CAMTA1: variants seen among roughly 807,000 people sequenced by gnomAD.
CAMTA1 encodes calmodulin binding transcription activator 1, also known as calmodulin-binding transcription activator 1.
Under a neutral mutation model 170.9 loss-of-function variants are expected in CAMTA1, and 27 were observed. The ratio of observed to expected loss-of-function variants is 0.16; its 90% CI spans 0.12 to 0.22. The LOEUF is 0.22. Ranked by LOEUF, CAMTA1 falls within the 10% of genes least tolerant of loss-of-function variation. The probability of loss-of-function intolerance (pLI) is 1.00; values close to 1 mark genes in which losing one functional copy is unlikely to be tolerated. For synonymous variants in CAMTA1, 833 were observed against 891.5 expected (o/e 0.93, Z 1.17); for missense variants, 1,619 against 2,217.2 (o/e 0.73, Z 5.42).
intron 4 of CAMTA1, among the ~76,000 whole-genome samples, chr1:7,181,346 A>G (rs1444168983): frequency 3.3e-5 from 5 of 152,224 alleles, no homozygotes; most frequent in Non-Finnish European, 5.9e-5. Flanking sequence ...AAGGATATTC[A>G]TTATCTCTGC....
chr1:7,563,765 A>G (rs1287776238), intron 6 of CAMTA1, among the ~76,000 whole-genome samples: 1 of 152,270 alleles, frequency 6.6e-6, no homozygotes, highest in African/African-American at 2.4e-5. Flanking sequence ...GTTGAATGCT[A>G]TATGGCTCTG....
intron 5 of CAMTA1, among the ~76,000 whole-genome samples, chr1:7,297,129 G>T (rs546693703): frequency 1.6e-4 from 24 of 152,182 alleles, no homozygotes; most frequent in Non-Finnish European, 1.0e-4. Flanking sequence ...AGAGTAAAAA[G>T]CTCTTTGAGT....
chr1:7,019,598 C>T (rs1701064775), intron 3 of CAMTA1, among the ~76,000 whole-genome samples: 1 of 152,178 alleles, frequency 6.6e-6, no homozygotes, highest in African/African-American at 2.4e-5. Context: ...GCCAGAAATG[C>T]TTTAGAATCG....
intron 4 of CAMTA1, among the ~76,000 whole-genome samples, chr1:7,152,721 T>TC (rs1646648790): frequency 6.6e-6 from 1 of 152,122 alleles, no homozygotes; most frequent in South Asian, 2.1e-4. Flanking sequence ...CGAGACTCTT[T>TC]CCCCCTGGAA....
intron 3 of CAMTA1, among the ~76,000 whole-genome samples, chr1:6,981,839 G>T (rs1178572747): frequency 6.6e-6 from 1 of 151,936 alleles, no homozygotes; most frequent in Non-Finnish European, 1.5e-5. Flanking sequence ...AGTGATCTTT[G>T]TGCCTCAGCC....
At chr1:7,104,432 T>C (rs1391545434) in intron 4 of CAMTA1, among the ~76,000 whole-genome samples, 1 of 152,178 alleles carries the variant, frequency 6.6e-6, no homozygotes, top group African/African-American at 2.4e-5. Context: ...AAGAAGTCTC[T>C]GGGAAAATTT....
At position 7,592,862 on chromosome 1, in the gene CAMTA1, C is replaced by T. The variant is rs1335441496; in HGVS notation, c.511-47538C>T. 2.6e-5 allele frequency among the ~76,000 whole-genome samples: 4 copies of T among 152,096 alleles called. No individual in the cohort carries two copies. The highest frequency in any genetic ancestry group is 5.9e-5 in the Non-Finnish European group (4 of 68,010). ...TATGGCCATGTGTTAAACATTAGGG[C>T]GGGATCAGGCATCATGACCTCATGA... On this transcript the variant is annotated intron_variant, in intron 6 of 22. Coordinates refer to ENST00000303635, the MANE Select transcript of CAMTA1 (RefSeq NM_015215.4). This position sits in a 1 kb window ranked among gnomAD's most constrained non-coding sequence, Gnocchi z 4.6.
rs1557897426 is a variant in CAMTA1, at chr1:6,965,922, T to C, written c.235-125382T>C. Among the ~76,000 whole-genome samples the C allele has an allele frequency of 6.6e-6, 1 of 152,140 alleles. No homozygotes were observed. The highest frequency in any genetic ancestry group is 1.5e-5 in the Non-Finnish European group (1 of 68,028). On this transcript the variant is annotated intron_variant, in intron 3 of 22. Transcript: ENST00000303635. The surrounding 1 kb of genome is among the most constrained non-coding windows in gnomAD (Gnocchi z 4.1). Reference sequence around the variant, plus strand: ...ACTGCTTGTTGTGTCCTGTGGAAACTAGATTTTCTGTCTTGGGATCTTTCT... The same window carrying C: ...ACTGCTTGTTGTGTCCTGTGGAAACCAGATTTTCTGTCTTGGGATCTTTCT...
At chr1:7,745,079 C>T (rs1203427050) in intron 17 of CAMTA1, 57 bp downstream of exon 17, 5 of 1,474,316 alleles carry the variant, frequency 3.4e-6, no homozygotes, top group Non-Finnish European at 4.6e-6. Flanking sequence ...TAATTGGAGG[C>T]AGGGGAGGCT....
intron 6 of CAMTA1, among the ~76,000 whole-genome samples, chr1:7,605,680 C>T (rs993613212): frequency 3.3e-5 from 5 of 152,188 alleles, no homozygotes; most frequent in Non-Finnish European, 7.3e-5. Context: ...TGGTGTGCTG[C>T]GCCCACTGTC....
chr1:7,442,507 A>G (rs1438735890), intron 5 of CAMTA1, among the ~76,000 whole-genome samples: 1 of 152,194 alleles, frequency 6.6e-6, no homozygotes, highest in Non-Finnish European at 1.5e-5. Flanking sequence ...GTATTCATGG[A>G]GGTGGTAGCA....
intron 5 of CAMTA1, among the ~76,000 whole-genome samples, chr1:7,427,506 G>T (rs866427332): frequency 3.3e-4 from 50 of 152,234 alleles, no homozygotes; most frequent in African/African-American, 1.1e-3. Context: ...TTTAGTACGG[G>T]GCTACACAAT....
chr1:7,710,224 G>A (rs2096559115), intron 11 of CAMTA1, among the ~76,000 whole-genome samples: 1 of 152,162 alleles, frequency 6.6e-6, no homozygotes, highest in Non-Finnish European at 1.5e-5. Context: ...ACAGTTTATT[G>A]CTACTGTCAT....
rs375770205 is a variant in CAMTA1 at position 6,797,996 on chromosome 1, ATT to A, written c.45+12437_45+12438del. ...TTTGCAAGTGATAATGAAGAAAGGA[ATT>A]TTTTTTTTTTTTTTTGAGACAAAGT... On this transcript the variant is annotated intron_variant, in intron 1 of 22. Transcript: ENST00000303635. 2.3e-3 allele frequency among the ~76,000 whole-genome samples: 321 copies of A among 141,726 alleles called. 2 individuals carry two copies. Among genetic ancestry groups the A allele is most frequent in the African/African-American group, 7.3e-3 (284 of 38,852 alleles). 93.0% of individuals were successfully genotyped at this position (141,726 alleles called of 152,430 possible).
intron 4 of CAMTA1, among the ~76,000 whole-genome samples, chr1:7,170,230 T>C (rs1649316938): frequency 6.6e-6 from 1 of 152,194 alleles, no homozygotes; most frequent in African/African-American, 2.4e-5. Context: ...TTGATTATCC[T>C]TCAGTTCGCA....
At chr1:6,812,104 C>T (rs562845451) in intron 1 of CAMTA1, among the ~76,000 whole-genome samples, 3 of 152,334 alleles carry the variant, frequency 2.0e-5, no homozygotes, top group East Asian at 1.9e-4. Context: ...TCAGTGGGAG[C>T]GTTTGCCTTA....
intron 5 of CAMTA1, among the ~76,000 whole-genome samples, chr1:7,449,723 T>C (rs184768767): frequency 7.1e-5 from 9 of 127,440 alleles, no homozygotes; most frequent in African/African-American, 2.8e-4. Flanking sequence ...TGAGCCGAAA[T>C]AGTGCCACTA....
intron 4 of CAMTA1, among the ~76,000 whole-genome samples, chr1:7,100,113 C>T (rs1185638712): frequency 2.6e-5 from 4 of 152,152 alleles, no homozygotes; most frequent in Admixed American, 1.3e-4. Context: ...TTCCAATTCA[C>T]GAGTCTTCTA....
intron 4 of CAMTA1, among the ~76,000 whole-genome samples, chr1:7,127,714 A>G (rs906375785): frequency 1.3e-5 from 2 of 152,188 alleles, no homozygotes; most frequent in East Asian, 1.9e-4. Context: ...ATGCTTGACT[A>G]TTAATTCCAA....
Sources: gnomAD v4.1 joint callset for allele counts (sites outside exome capture counted in the v4.1 genomes callset) on GRCh38, gnomAD v4.1.1 for gene constraint, Gnocchi (gnomAD v3.1) non-coding constraint, MANE v1.5 for transcripts, NCBI Gene and HGNC (gene_info 2026-07-23, HGNC 2026-07-21) for gene names.